The following USP24 variants were observed in gnomAD, a reference collection of about 807,000 sequenced individuals.
USP24 encodes ubiquitin carboxyl-terminal hydrolase 24.
Under a neutral mutation model 361.6 loss-of-function variants are expected in USP24, and 97 were observed. That is an observed-to-expected ratio of 0.27 (90% CI 0.23 to 0.32). The LOEUF (loss-of-function observed/expected upper bound fraction) is 0.32. Among genes scored for constraint, USP24 ranks in the 10% least tolerant of loss-of-function variants. The pLI is 1.00. For synonymous variants in USP24, 1,098 were observed against 1,124.6 expected (o/e 0.98, Z 0.47); for missense variants, 2,353 against 3,165.6 (o/e 0.74, Z 6.16).
At chr1:55,079,785 TCA>T (rs770992776) in intron 59 of USP24, 126 bp from the exon 60 acceptor site, 7 of 1,230,740 alleles carry the variant, frequency 5.7e-6, no homozygotes, top group Middle Eastern at 2.4e-4. Flanking sequence ...CACAGAGTAC[TCA>T]CACACTGAGT....
At chr1:55,122,813 G>A (rs1402824086) in intron 36 of USP24, among the ~76,000 whole-genome samples, 9 of 152,166 alleles carry the variant, frequency 5.9e-5, no homozygotes, top group Non-Finnish European at 1.0e-4. Context: ...CAGGATTAGA[G>A]GAGCTCAGTT....
In USP24 at chr1:55,079,211, T is replaced by C. The variant is rs113408631; in HGVS notation, c.7200+327A>G. Among the ~76,000 whole-genome samples, 1,507 of 152,172 alleles carry C rather than the reference T, an allele frequency of 9.9e-3. 12 individuals carry two copies. The highest frequency in any genetic ancestry group is 0.015 in the Non-Finnish European group (1,040 of 68,006). On this transcript the variant is annotated intron_variant, in intron 60 of 67. Coordinates refer to ENST00000294383, the MANE Select transcript of USP24 (RefSeq NM_015306.3). Reference sequence around the variant, plus strand: ...CAACACACGTGGTTCAGAGTTGTAGTATTCCAGGACCAGGAACACACAAAA... The same window carrying C: ...CAACACACGTGGTTCAGAGTTGTAGCATTCCAGGACCAGGAACACACAAAA...
At chr1:55,151,976 C>T (rs1198124990) in intron 16 of USP24, 2 of 985,632 alleles carry the variant, frequency 2.0e-6, no homozygotes, top group African/African-American at 3.5e-5. Flanking sequence ...ACCTTGCTGC[C>T]TGGCAGGAAA....
At chr1:55,105,009 T>C (rs1360631787) in intron 41 of USP24, among the ~76,000 whole-genome samples, 1 of 152,220 alleles carries the variant, frequency 6.6e-6, no homozygotes, top group Non-Finnish European at 1.5e-5. Context: ...ATTACTGTGA[T>C]AAATCAACAC....
At chr1:55,073,731 C>G in intron 64 of USP24, 97 bp downstream of exon 64, 3 of 1,166,858 alleles carry the variant, frequency 2.6e-6, no homozygotes, top group Non-Finnish European at 3.7e-6. Context: ...GAGTCAGATT[C>G]TCCAGGTATC....
chr1:55,088,494 G>T (rs1004402233), intron 55 of USP24, among the ~76,000 whole-genome samples: 29 of 152,310 alleles, frequency 1.9e-4, no homozygotes, highest in Middle Eastern at 3.4e-3. Flanking sequence ...CATGTAGAGA[G>T]ATTCATTTTG....
At chr1:55,146,163 C>A in intron 19 of USP24, 54 bp from the exon 20 acceptor site, 1 of 1,292,164 alleles carries the variant, frequency 7.7e-7, no homozygotes, top group Non-Finnish European at 1.1e-6. Flanking sequence ...CAGGCACATA[C>A]ATATTCCAAA....
At chr1:55,142,717 A>G in intron 23 of USP24, 25 bp downstream of exon 23, 1 of 1,423,108 alleles carries the variant, frequency 7.0e-7, no homozygotes, top group Non-Finnish European at 9.5e-7. Context: ...CCTCAAAGAG[A>G]TGTTAAATAA....
chr1:55,121,337 A>G (rs1001518165), intron 37 of USP24, 99 bp downstream of exon 37: 7 of 1,099,578 alleles, frequency 6.4e-6, no homozygotes, highest in Admixed American at 2.3e-5. Context: ...AGAGCACTCA[A>G]TGCCACTCCT....
In USP24 at chr1:55,089,158, G is replaced by A. The variant is rs139959631; in HGVS notation, c.6668+469C>T. Reference sequence around the variant, plus strand: ...CTTGACCTCATGGTCTGCCCGCCGTGGCCTCCCAAAGTGCAGGGATTACAG... The same window carrying A: ...CTTGACCTCATGGTCTGCCCGCCGTAGCCTCCCAAAGTGCAGGGATTACAG... On this transcript the variant is annotated intron_variant, in intron 55 of 67. Coordinates refer to ENST00000294383, the MANE Select transcript of USP24 (RefSeq NM_015306.3). Among the ~76,000 whole-genome samples, 1,299 of 152,164 alleles carry A rather than the reference G, an allele frequency of 8.5e-3. 38 individuals are homozygous for A. Among genetic ancestry groups the A allele is most frequent in the Admixed American group, 0.059 (901 of 15,292 alleles).
At chr1:55,191,080 A>C (rs1644272722) in intron 1 of USP24, among the ~76,000 whole-genome samples, 1 of 152,234 alleles carries the variant, frequency 6.6e-6, no homozygotes, top group Non-Finnish European at 1.5e-5. Context: ...CTCTGGCACG[A>C]AGGTAGAAGA....
At chr1:55,182,186 G>C (rs563552519) in intron 1 of USP24, among the ~76,000 whole-genome samples, 1 of 152,284 alleles carries the variant, frequency 6.6e-6, no homozygotes, top group South Asian at 2.1e-4. Context: ...CAAGTAGCTG[G>C]GACTATAGGC....
intron 55 of USP24, among the ~76,000 whole-genome samples, chr1:55,087,958 T>G (rs1185737306): frequency 1.3e-5 from 2 of 152,028 alleles, no homozygotes; most frequent in Non-Finnish European, 2.9e-5. Context: ...GCTCGGCAGG[T>G]TCAAGGAACC....
intron 31 of USP24, among the ~76,000 whole-genome samples, chr1:55,132,319 T>C (rs1440103350): frequency 2.6e-5 from 4 of 152,220 alleles, no homozygotes; most frequent in African/African-American, 7.2e-5. Context: ...ATCCAGTCTA[T>C]GGTGATTTGT....
chr1:55,115,163 C>T (rs973540924), intron 38 of USP24, among the ~76,000 whole-genome samples: 11 of 152,042 alleles, frequency 7.2e-5, no homozygotes, highest in African/African-American at 2.7e-4. Context: ...CAGAGAAATG[C>T]AAATCAAAAC....
At chr1:55,093,593 CTTGT>C (rs926246839) in intron 52 of USP24, 17 of 197,702 alleles carry the variant, frequency 8.6e-5, no homozygotes, top group African/African-American at 3.7e-4. Flanking sequence ...TGAACCTTAA[CTTGT>C]TTTTCTCTCC....
Position 55,172,010 on chromosome 1 carries a change from G to C in USP24, c.703-332C>G, listed in dbSNP as rs770056572. On this transcript the variant is annotated intron_variant, in intron 4 of 67. Transcript: ENST00000294383. ...GGCACTGAGGGCAGAAGTCAGGAGG[G>C]GAAAATATGAGGGTCCCTTCTTCAT... Among the ~76,000 whole-genome samples, 100 of 152,084 alleles carry C rather than the reference G, an allele frequency of 6.6e-4. 1 individual carries two copies. The highest frequency in any genetic ancestry group is 1.6e-4 in the Non-Finnish European group (11 of 68,022).
intron 1 of USP24, among the ~76,000 whole-genome samples, chr1:55,189,883 T>C (rs561507291): frequency 2.0e-5 from 3 of 151,880 alleles, no homozygotes; most frequent in East Asian, 1.9e-4. Flanking sequence ...TATTATTATA[T>C]AAGGCCAGGC....
chr1:55,145,952 TCTTA>T, intron 20 of USP24, 42 bp downstream of exon 20: 1 of 1,327,382 alleles, frequency 7.5e-7, no homozygotes, highest in Non-Finnish European at 1.1e-6. Flanking sequence ...GAATAACACT[TCTTA>T]CTTAAAAGTA....
Sources: gnomAD v4.1 joint callset for allele counts (sites outside exome capture counted in the v4.1 genomes callset) on GRCh38, gnomAD v4.1.1 for gene constraint, MANE v1.5 for transcripts, NCBI Gene and HGNC (gene_info 2026-07-23, HGNC 2026-07-21) for gene names.